CDH23: variants seen among roughly 807,000 people sequenced by gnomAD.
CDH23 encodes cadherin related 23.
CDH23 carries 189 observed loss-of-function variants against 317.1 expected under a neutral mutation model. The ratio of observed to expected loss-of-function variants is 0.60; its 90% CI spans 0.53 to 0.67. CDH23 has a LOEUF of 0.67. CDH23 is among the 30% of genes least tolerant of loss of function. CDH23 has a pLI of 0.00. For synonymous variants in CDH23, 1,839 were observed against 1,876.8 expected (o/e 0.98, Z 0.52); for missense variants, 4,401 against 4,592.4 (o/e 0.96, Z 1.20).
intron 3 of CDH23, among the ~76,000 whole-genome samples, chr10:71,479,890 A>G (rs1851981483): frequency 6.6e-6 from 1 of 152,178 alleles, no homozygotes; most frequent in Admixed American, 6.5e-5. Flanking sequence ...GACATGGCTG[A>G]GATGATGTTC....
intron 1 of CDH23, among the ~76,000 whole-genome samples, chr10:71,400,840 A>T (rs1330479085): frequency 6.6e-6 from 1 of 152,180 alleles, no homozygotes; most frequent in Non-Finnish European, 1.5e-5. Context: ...TTTAAAAATA[A>T]CTAGGTTAAT....
chr10:71,457,607 G>A (rs1304044905), intron 3 of CDH23, among the ~76,000 whole-genome samples: 3 of 152,220 alleles, frequency 2.0e-5, no homozygotes, highest in Non-Finnish European at 4.4e-5. Flanking sequence ...AAGGAGGGGA[G>A]GTTGGCCAGC....
At chr10:71,517,033 C>T (rs1297041452) in intron 6 of CDH23, among the ~76,000 whole-genome samples, 1 of 152,194 alleles carries the variant, frequency 6.6e-6, no homozygotes, top group Non-Finnish European at 1.5e-5. Flanking sequence ...CCAGGCCTGG[C>T]GTATGGACTG....
At chr10:71,716,287 G>A (rs914662334) in intron 28 of CDH23, 12 of 1,526,590 alleles carry the variant, frequency 7.9e-6, no homozygotes, top group South Asian at 6.2e-5. Context: ...AGAGAAAGGC[G>A]AGGGGGCTGA....
chr10:71,757,072 A>T (rs1840168529), intron 38 of CDH23, among the ~76,000 whole-genome samples: 1 of 152,256 alleles, frequency 6.6e-6, no homozygotes, highest in Non-Finnish European at 1.5e-5. Context: ...TATTGAAAGT[A>T]AAGACATTCT....
At chr10:71,452,812 G>T (rs10999816) in intron 3 of CDH23, among the ~76,000 whole-genome samples, 1 of 152,170 alleles carries the variant, frequency 6.6e-6, no homozygotes, top group African/African-American at 2.4e-5. Context: ...CCTCTTGCCC[G>T]AGCCTCTATT....
At chr10:71,578,504 A>T (rs75430969) in intron 9 of CDH23, among the ~76,000 whole-genome samples, 2 of 152,128 alleles carry the variant, frequency 1.3e-5, no homozygotes, top group Non-Finnish European at 2.9e-5. Flanking sequence ...GCGGGGGGGA[A>T]CATCAGCCCC....
At chr10:71,410,262 G>C (rs1282434950) in intron 1 of CDH23, among the ~76,000 whole-genome samples, 2 of 152,198 alleles carry the variant, frequency 1.3e-5, no homozygotes, top group East Asian at 3.8e-4. Context: ...GTTATTCTCA[G>C]CTTCTGCATT....
chr10:71,512,442 G>C (rs1264638709), intron 6 of CDH23: 2 of 152,286 alleles, frequency 1.3e-5, no homozygotes, highest in Non-Finnish European at 2.9e-5. Context: ...AGGGACTGCA[G>C]CTTGGCTCCT....
rs774831524 is a variant in CDH23 at position 71,704,947 on chromosome 10, C to T, written c.2770C>T (p.Leu924=). Residue 924 remains leucine, a synonymous_variant, in exon 25 of 70, where the codon CTG becomes TTG. Coordinates refer to ENST00000224721, the MANE Select transcript of CDH23 (RefSeq NM_022124.6). ...AIDLDEGLNG[L]VSYRMPVGMP... The stretch of plus-strand genomic sequence containing the variant: ...CGACCTCGATGAGGGCCTGAACGGC[C>T]TGGTGTCCTACCGCATGCCGGTGGG... The T allele has an allele frequency of 6.2e-7, 1 of 1,612,940 alleles. No homozygotes were observed. The highest frequency in any genetic ancestry group is 2.2e-5 in the East Asian group (1 of 44,866).
intron 6 of CDH23, among the ~76,000 whole-genome samples, chr10:71,547,758 G>A (rs1227711603): frequency 6.6e-6 from 1 of 152,242 alleles, no homozygotes; most frequent in Non-Finnish European, 1.5e-5. Flanking sequence ...TGACATTCAT[G>A]GAGCCGGGGA....
At chr10:71,588,806 C>T (rs544763393) in intron 9 of CDH23, among the ~76,000 whole-genome samples, 8 of 152,340 alleles carry the variant, frequency 5.3e-5, no homozygotes, top group Middle Eastern at 3.4e-3. Context: ...TGCACAAAGC[C>T]GCTGCAGGTG....
chr10:71,414,351 T>G (rs1848452807), intron 1 of CDH23, among the ~76,000 whole-genome samples: 1 of 152,194 alleles, frequency 6.6e-6, no homozygotes, highest in Non-Finnish European at 1.5e-5. Context: ...TTCCTTTTTG[T>G]TAAGAGTTTT....
chr10:71,793,757 C>T, intron 48 of CDH23, 117 bp downstream of exon 48: 2 of 770,568 alleles, frequency 2.6e-6, no homozygotes, highest in Admixed American at 2.9e-5. Context: ...CTACTCTCTT[C>T]TCTCCCCCTC....
intron 6 of CDH23, among the ~76,000 whole-genome samples, chr10:71,521,450 C>T (rs528944374): frequency 6.6e-6 from 1 of 152,214 alleles, no homozygotes; most frequent in Admixed American, 6.5e-5. Context: ...CCATCCCATC[C>T]GTGTGAGGCT....
rs966839757 is a variant in CDH23 at position 71,682,703 on chromosome 10, C to T, written c.1986+131C>T. On this transcript the variant is annotated intron_variant, in intron 18 of 69. Coordinates refer to ENST00000224721, the MANE Select transcript of CDH23 (RefSeq NM_022124.6). ...CCTGCACCTTGGGGAGTTTACCCAGCCATCTGTCCCAAAGCCTGCCCTTAG... is the reference window on the plus strand; with the variant it reads ...CCTGCACCTTGGGGAGTTTACCCAGTCATCTGTCCCAAAGCCTGCCCTTAG... 4 of 1,163,036 alleles carry T rather than the reference C, an allele frequency of 3.4e-6. No homozygotes were observed. In the African/African-American group the frequency reaches 4.6e-5, roughly 13 times the overall value. The allele number at this position is 1,163,036 out of a possible 1,614,324, so 72.0% of individuals were successfully genotyped here. A position where few individuals can be genotyped will look rare whatever the true frequency, so the allele number is the denominator to read the frequency against.
chr10:71,704,684 G>T (rs569471728), intron 24 of CDH23, among the ~76,000 whole-genome samples: 1 of 152,138 alleles, frequency 6.6e-6, no homozygotes, highest in African/African-American at 2.4e-5. Context: ...CCCCATCACC[G>T]GCCTCACTTG....
Position 71,811,441 on chromosome 10 carries a change from C to G in CDH23, c.9198+6C>G. 1.9e-6 allele frequency: 3 copies of G among 1,614,000 alleles called. No homozygotes were observed. The highest frequency in any genetic ancestry group is 1.1e-5 in the South Asian group (1 of 91,082). On this transcript the variant is annotated splice_donor_region_variant and intron_variant, in intron 63 of 69. Transcript: ENST00000224721. ...ATGACATGTCTGCCCTGCAGGTACC[C>G]GGCGACCGTGCCCCACAGCCCTAGC...
rs981613816 is a variant in CDH23, at chr10:71,724,219, T to TA, written c.3430+115dup. ...GGCCAAGAGAACCCCCAGGGCCATA[T>TA]ACATGGGGCGAGGCCAGAGGGAGGA... On this transcript the variant is annotated intron_variant, in intron 29 of 69. Coordinates refer to ENST00000224721, the MANE Select transcript of CDH23 (RefSeq NM_022124.6). 4 of 1,103,276 alleles carry TA rather than the reference T, an allele frequency of 3.6e-6. No individual in the cohort carries two copies. The African/African-American group carries it at 6.2e-5, about 17-fold the overall frequency. The allele number at this position is 1,103,276 out of a possible 1,614,324, so 68.3% of individuals were successfully genotyped here. A position where few individuals can be genotyped will look rare whatever the true frequency, so the allele number is the denominator to read the frequency against.
Sources: allele counts gnomAD v4.1 joint callset (sites outside exome capture counted in the v4.1 genomes callset), GRCh38; gene constraint gnomAD v4.1.1; transcripts MANE v1.5; gene names NCBI Gene and HGNC (gene_info 2026-07-23, HGNC 2026-07-21).